Variants in PIK3R3 observed in about 807,000 individuals in gnomAD.
PIK3R3 encodes phosphoinositide-3-kinase regulatory subunit 3.
A neutral mutation model predicts 62.9 loss-of-function variants in PIK3R3; 64 were observed. The ratio of observed to expected loss-of-function variants is 1.02; its 90% CI spans 0.83 to 1.25. PIK3R3 has a LOEUF of 1.25. Ranked by LOEUF, PIK3R3 falls within the 50% of genes most tolerant of loss-of-function variation. The probability of loss-of-function intolerance (pLI) is 0.00; values close to 1 mark genes in which losing one functional copy is unlikely to be tolerated. For synonymous variants in PIK3R3, 165 were observed against 189.0 expected (o/e 0.87, Z 1.04); for missense variants, 614 against 561.6 (o/e 1.09, Z -0.94).
chr1:46,158,006 C>T, the PIK3R3 span, among the ~76,000 whole-genome samples: 616 of 152,280 alleles, frequency 4.0e-3, 6 homozygotes, highest in East Asian at 0.026. Context: ...GCAGGTAGCA[C>T]ATCCTTTGTT....
At chr1:46,060,235 C>T (rs925705205) in intron 6 of PIK3R3, among the ~76,000 whole-genome samples, 1 of 152,208 alleles carries the variant, frequency 6.6e-6, no homozygotes, top group East Asian at 1.9e-4. Context: ...AGCCTGTAAT[C>T]CCAGCACTTT....
At chr1:46,053,462 C>T (rs1046127052) in intron 7 of PIK3R3, among the ~76,000 whole-genome samples, 3 of 152,054 alleles carry the variant, frequency 2.0e-5, no homozygotes, top group African/African-American at 7.2e-5. Context: ...CTCAAGGTGA[C>T]GGTATTAGGA....
chr1:46,093,405 C>G (rs1223822940), intron 1 of PIK3R3, among the ~76,000 whole-genome samples: 1 of 152,158 alleles, frequency 6.6e-6, no homozygotes, highest in Non-Finnish European at 1.5e-5. Flanking sequence ...CCCCTAATTT[C>G]TCCTTCTCTG....
the PIK3R3 span, among the ~76,000 whole-genome samples, chr1:46,147,556 T>C: frequency 6.6e-6 from 1 of 152,210 alleles, no homozygotes; most frequent in Non-Finnish European, 1.5e-5. Flanking sequence ...TAGCTGGGAC[T>C]ACAGGCGCCC....
At chr1:46,141,364 C>T in the PIK3R3 span, among the ~76,000 whole-genome samples, 5 of 152,036 alleles carry the variant, frequency 3.3e-5, no homozygotes, top group African/African-American at 4.8e-5. Context: ...TTCCGCCTCC[C>T]GGGTTCAAGC....
intron 7 of PIK3R3, among the ~76,000 whole-genome samples, chr1:46,050,743 A>C (rs1224626307): frequency 6.6e-6 from 1 of 152,162 alleles, no homozygotes; most frequent in Non-Finnish European, 1.5e-5. Flanking sequence ...CCATCCAAAA[A>C]CCTGTACATA....
intron 1 of PIK3R3, among the ~76,000 whole-genome samples, chr1:46,101,055 C>G (rs934411832): frequency 8.0e-5 from 12 of 150,406 alleles, no homozygotes; most frequent in African/African-American, 2.9e-4. Context: ...ATCTGTAATC[C>G]CAGCTACTCG....
the PIK3R3 span, among the ~76,000 whole-genome samples, chr1:46,149,282 C>T: frequency 2.0e-5 from 3 of 151,584 alleles, no homozygotes; most frequent in South Asian, 2.1e-4. Context: ...ATTAGCCGAG[C>T]GTGATAGCAG....
At chr1:46,168,614 T>G in the PIK3R3 span, among the ~76,000 whole-genome samples, 1 of 152,240 alleles carries the variant, frequency 6.6e-6, no homozygotes, top group African/African-American at 2.4e-5. Context: ...CGGGCTGGAA[T>G]CAGGGGATCT....
chr1:46,118,376 C>T (rs1654367702), intron 1 of PIK3R3, among the ~76,000 whole-genome samples: 1 of 151,986 alleles, frequency 6.6e-6, no homozygotes, highest in Non-Finnish European at 1.5e-5. Context: ...CTAATTCTAC[C>T]TTTCCCTCTT....
At position 46,044,406 on chromosome 1, in the gene PIK3R3, G is replaced by C. The variant is rs1647058447; in HGVS notation, c.1188-535C>G. 1.3e-5 allele frequency among the ~76,000 whole-genome samples: 2 copies of C among 152,196 alleles called. No homozygotes were observed. The highest frequency in any genetic ancestry group is 2.1e-4 in the South Asian group (1 of 4,820). ...GTTTTTGATTAATCAGTTTATGTAA[G>C]GACTGCAGCCAAGTCCTGAACCTAC... On this transcript the variant is annotated intron_variant, in intron 9 of 9. Transcript: ENST00000262741. This position sits in a 1 kb window ranked among gnomAD's most constrained non-coding sequence, Gnocchi z 4.2.
chr1:46,115,238 C>G (rs1054531594), intron 1 of PIK3R3, among the ~76,000 whole-genome samples: 3 of 152,044 alleles, frequency 2.0e-5, no homozygotes, highest in Non-Finnish European at 4.4e-5. Flanking sequence ...CAAACCATGC[C>G]AGGGGCCCTC....
At chr1:46,096,636 C>T (rs1652148191) in intron 1 of PIK3R3, among the ~76,000 whole-genome samples, 2 of 152,094 alleles carry the variant, frequency 1.3e-5, no homozygotes, top group Non-Finnish European at 2.9e-5. Flanking sequence ...CAGTGGCTTA[C>T]GTCTGTAATC....
intron 1 of PIK3R3, among the ~76,000 whole-genome samples, chr1:46,091,873 T>C (rs1377985954): frequency 6.6e-6 from 1 of 152,252 alleles, no homozygotes; most frequent in South Asian, 2.1e-4. Context: ...TTGTATCTAA[T>C]ACAATGTAAA....
intron 1 of PIK3R3, among the ~76,000 whole-genome samples, chr1:46,125,820 G>A (rs1278958120): frequency 2.0e-5 from 3 of 151,590 alleles, no homozygotes; most frequent in Non-Finnish European, 2.9e-5. Flanking sequence ...GAGTGCAGTG[G>A]CACCATCTTG....
At chr1:46,132,834 T>C, upstream of PIK3R3, 1 of 1,214,606 alleles carries the variant, frequency 8.2e-7, no homozygotes, top group Non-Finnish European at 1.1e-6. Context: ...GCTCTCCATC[T>C]CGACTTTCAC....
At chr1:46,149,412 ACT>A in the PIK3R3 span, among the ~76,000 whole-genome samples, 1 of 121,674 alleles carries the variant, frequency 8.2e-6, no homozygotes, top group South Asian at 2.7e-4. Flanking sequence ...ACAGAGCAAG[ACT>A]CTGTCTCAAA....
At chr1:46,134,441 T>C (rs138840415), upstream of PIK3R3, 4 of 152,390 alleles carry the variant, frequency 2.6e-5, no homozygotes, top group South Asian at 2.1e-4. Flanking sequence ...AGGATTCTTA[T>C]ATGCTTTCTT....
chr1:46,156,187 C>T, the PIK3R3 span, among the ~76,000 whole-genome samples: 105 of 152,038 alleles, frequency 6.9e-4, no homozygotes, highest in South Asian at 2.7e-3. Flanking sequence ...TCTCATAGAA[C>T]ATAGACAGTG....
Sources: allele counts gnomAD v4.1 joint callset (sites outside exome capture counted in the v4.1 genomes callset), GRCh38; gene constraint gnomAD v4.1.1; non-coding constraint Gnocchi (gnomAD v3.1); transcripts MANE v1.5; gene names NCBI Gene and HGNC (gene_info 2026-07-23, HGNC 2026-07-21).